PTBP3: variants seen among roughly 807,000 people sequenced by gnomAD.
PTBP3 encodes polypyrimidine tract-binding protein 3.
PTBP3 carries 20 observed loss-of-function variants against 58.7 expected under a neutral mutation model. The observed-to-expected ratio is 0.34, with a 90% CI of 0.24 to 0.50. PTBP3 has a LOEUF of 0.50. PTBP3 is among the 20% of genes least tolerant of loss of function. The pLI, the probability that PTBP3 is intolerant of heterozygous loss-of-function variation, is 0.98. For missense variants in PTBP3, 509 were observed against 637.2 expected (o/e 0.80, Z 2.17); for synonymous variants, 185 against 219.8 (o/e 0.84, Z 1.40).
intron 1 of PTBP3, among the ~76,000 whole-genome samples, chr9:112,319,752 T>C (rs1177702386): frequency 2.0e-5 from 3 of 152,190 alleles, no homozygotes; most frequent in South Asian, 2.1e-4. Context: ...TTATTCACAA[T>C]AGCCAAAATA....
chr9:112,271,734 T>C (rs1291358898), intron 3 of PTBP3, among the ~76,000 whole-genome samples: 2 of 151,776 alleles, frequency 1.3e-5, no homozygotes, highest in African/African-American at 4.8e-5. Flanking sequence ...AAGACTCCGC[T>C]TCAAGAAAGA....
chr9:112,329,520 T>C (rs1014951581), intron 1 of PTBP3, among the ~76,000 whole-genome samples: 1 of 152,234 alleles, frequency 6.6e-6, no homozygotes, highest in Admixed American at 6.5e-5. Flanking sequence ...CTCTGGATGT[T>C]TGCCTTTTAG....
chr9:112,296,927 T>A (rs1192426070), intron 2 of PTBP3, among the ~76,000 whole-genome samples: 1 of 152,120 alleles, frequency 6.6e-6, no homozygotes, highest in Non-Finnish European at 1.5e-5. Flanking sequence ...AGTTATTCAA[T>A]TTTCTTCATC....
chr9:112,228,550 G>T, intron 10 of PTBP3, 78 bp from the exon 11 acceptor site: 5 of 852,770 alleles, frequency 5.9e-6, no homozygotes, highest in Middle Eastern at 3.2e-4. Flanking sequence ...TATACTTAAA[G>T]AAGGCATTTC....
chr9:112,275,143 T>TA (rs1038598450), intron 3 of PTBP3, among the ~76,000 whole-genome samples: 120 of 151,862 alleles, frequency 7.9e-4, no homozygotes, highest in Admixed American at 1.0e-3. Context: ...CTTTTTATTT[T>TA]TTTTTTTGGT....
intron 2 of PTBP3, among the ~76,000 whole-genome samples, chr9:112,290,707 T>TATATACACAC (rs377603008): frequency 3.3e-4 from 37 of 110,912 alleles, no homozygotes; most frequent in African/African-American, 1.3e-3. Context: ...TATATATATA[T>TATATACACAC]ACACACACAC....
chr9:112,290,457 A>T (rs1370227410), intron 2 of PTBP3, among the ~76,000 whole-genome samples: 1 of 151,894 alleles, frequency 6.6e-6, no homozygotes, highest in Non-Finnish European at 1.5e-5. Flanking sequence ...GGATTACTTG[A>T]GGTCAAGAGT....
chr9:112,370,235 G>GT, the PTBP3 span, among the ~76,000 whole-genome samples: 1 of 152,138 alleles, frequency 6.6e-6, no homozygotes, highest in African/African-American at 2.4e-5. Context: ...TAACCTTATA[G>GT]TAAGTTTTAA....
chr9:112,305,548 A>C (rs1829147726), intron 1 of PTBP3, among the ~76,000 whole-genome samples: 1 of 152,090 alleles, frequency 6.6e-6, no homozygotes. Flanking sequence ...TAATGTGTCC[A>C]CTCGACAACA....
intron 1 of PTBP3, 83 bp downstream of exon 1, chr9:112,333,387 C>T (rs1298210242): frequency 1.3e-6 from 2 of 1,492,644 alleles, no homozygotes; most frequent in African/African-American, 1.4e-5. Flanking sequence ...CACTGCTCCC[C>T]AGCCCTTACG....
chr9:112,332,875 A>C, intron 1 of PTBP3: 1 of 1,609,456 alleles, frequency 6.2e-7, no homozygotes, highest in Non-Finnish European at 8.5e-7. Context: ...GGTGTCGAGA[A>C]AGCGTTAACG....
At chr9:112,224,460 T>C (rs1834908318) in intron 12 of PTBP3, among the ~76,000 whole-genome samples, 1 of 152,218 alleles carries the variant, frequency 6.6e-6, no homozygotes. Flanking sequence ...TCTTTCTATA[T>C]TCTTTTTTCT....
At position 112,333,494 on chromosome 9, in the gene PTBP3, C is replaced by T. The variant is rs754242925; in HGVS notation, c.-76G>A. 2.5e-6 allele frequency: 4 copies of T among 1,592,736 alleles called. No homozygotes were observed. Among genetic ancestry groups the T allele is most frequent in the African/African-American group, 2.8e-5 (2 of 72,430 alleles). On this transcript the variant is annotated 5_prime_UTR_variant, in exon 1 of 14. Coordinates refer to ENST00000374257, the MANE Select transcript of PTBP3 (RefSeq NM_001163788.4). ...CCCATCCATGGCCCAGATGGAGGCG[C>T]GCACAGAGCAGGGACTGACGGGCTA...
chr9:112,287,076 C>T (rs570138311), intron 2 of PTBP3, among the ~76,000 whole-genome samples: 71 of 152,272 alleles, frequency 4.7e-4, no homozygotes, highest in African/African-American at 1.7e-3. Flanking sequence ...ATTTACTCTG[C>T]ATTCCTGGTT....
At chr9:112,285,597 C>T (rs1307623071) in intron 2 of PTBP3, among the ~76,000 whole-genome samples, 4 of 152,170 alleles carry the variant, frequency 2.6e-5, no homozygotes, top group African/African-American at 9.7e-5. Context: ...GTCACAGGAT[C>T]TCTGTCAGAA....
chr9:112,272,474 A>T (rs1472475557), intron 3 of PTBP3: 1 of 152,214 alleles, frequency 6.6e-6, no homozygotes, highest in Non-Finnish European at 1.5e-5. Context: ...ACCACTCCTG[A>T]TCCAAATCAA....
At chr9:112,365,573 G>C in the PTBP3 span, among the ~76,000 whole-genome samples, 1 of 152,082 alleles carries the variant, frequency 6.6e-6, no homozygotes, top group South Asian at 2.1e-4. Context: ...TCCAGTCTTG[G>C]GTATGTCTTT....
At chr9:112,348,748 C>T in the PTBP3 span, among the ~76,000 whole-genome samples, 1 of 152,210 alleles carries the variant, frequency 6.6e-6, no homozygotes, top group Non-Finnish European at 1.5e-5. Context: ...CTCCCTATGC[C>T]TTATGCCCTT....
chr9:112,321,225 C>A (rs900263344), intron 1 of PTBP3, among the ~76,000 whole-genome samples: 2 of 152,068 alleles, frequency 1.3e-5, no homozygotes, highest in African/African-American at 4.8e-5. Context: ...GAAGTTGTCA[C>A]TTTTGCCTTT....
Sources: gnomAD v4.1 joint callset for allele counts (sites outside exome capture counted in the v4.1 genomes callset) on GRCh38, gnomAD v4.1.1 for gene constraint, MANE v1.5 for transcripts, NCBI Gene and HGNC (gene_info 2026-07-23, HGNC 2026-07-21) for gene names.